The following AHI1 variants were observed in gnomAD, a reference collection of about 807,000 sequenced individuals.
AHI1 encodes jouberin.
AHI1 carries 123 observed loss-of-function variants against 149.3 expected under a neutral mutation model. The observed-to-expected ratio is 0.82, with a 90% CI of 0.71 to 0.96. The LOEUF (loss-of-function observed/expected upper bound fraction) is 0.96, where lower values mean the gene tolerates loss of function less well. AHI1 is among the 40% of genes least tolerant of loss of function. AHI1 has a pLI of 0.00. For synonymous variants in AHI1, 475 were observed against 459.8 expected (o/e 1.03, Z -0.42); for missense variants, 1,439 against 1,422.7 (o/e 1.01, Z -0.18).
chr6:135,466,762 T>C (rs1010555038), intron 6 of AHI1, among the ~76,000 whole-genome samples: 4 of 152,126 alleles, frequency 2.6e-5, no homozygotes, highest in African/African-American at 4.8e-5. Context: ...GGTCACCCAA[T>C]AGGAAATATA....
intron 21 of AHI1, among the ~76,000 whole-genome samples, chr6:135,406,182 G>T (rs1048979204): frequency 5.9e-5 from 9 of 152,328 alleles, no homozygotes; most frequent in African/African-American, 2.2e-4. Flanking sequence ...ACAGTACCTT[G>T]AGAACATCGG....
At chr6:135,476,098 T>C (rs1389181912) in intron 5 of AHI1, among the ~76,000 whole-genome samples, 1 of 152,164 alleles carries the variant, frequency 6.6e-6, no homozygotes, top group East Asian at 1.9e-4. Flanking sequence ...ATGCTACAAG[T>C]TTCCTTCTAA....
At chr6:135,316,794 T>A (rs936765538) in intron 26 of AHI1, among the ~76,000 whole-genome samples, 5 of 152,104 alleles carry the variant, frequency 3.3e-5, no homozygotes, top group Non-Finnish European at 5.9e-5. Context: ...AGCTCTACAT[T>A]CTCTCAAATT....
rs745887780 is a variant in AHI1, at chr6:135,323,223, C to A, written c.3267G>T (p.Trp1089Cys). Residue 1089 changes from tryptophan (W) to cysteine (C), a missense_variant, in exon 25 of 29, where the codon TGG becomes TGT. Transcript: ENST00000265602. ...RVFFKDNEDW[W>C]YGSIGKGQEG... The stretch of plus-strand genomic sequence containing the variant: ...CCTGTCCCTTTCCTATGCTGCCATA[C>A]CACCAGTCTTCATTATCTTTGAAAA... 4.3e-6 allele frequency: 7 copies of A among 1,613,722 alleles called. No individual in the cohort carries two copies. The Middle Eastern group carries it at 4.9e-4, about 114-fold the overall frequency.
intron 20 of AHI1, among the ~76,000 whole-genome samples, chr6:135,412,380 C>T (rs1474859084): frequency 3.3e-5 from 5 of 152,190 alleles, no homozygotes; most frequent in African/African-American, 1.2e-4. Context: ...AACCAGTCCT[C>T]TATAGATAAC....
In AHI1 at chr6:135,283,779, T is replaced by A. The variant is rs1359783331; in HGVS notation, c.*1866A>T. Reference sequence around the variant, plus strand: ...GGCTTTCAGTAGAGCCAAATTTTCCTGGTGTTTGCTTCAACTGCTATTTTT... The same window carrying A: ...GGCTTTCAGTAGAGCCAAATTTTCCAGGTGTTTGCTTCAACTGCTATTTTT... On this transcript the variant is annotated 3_prime_UTR_variant, in exon 29 of 29. Coordinates refer to ENST00000265602, the MANE Select transcript of AHI1 (RefSeq NM_001134831.2). The A allele has an allele frequency of 1.3e-5, 2 of 152,218 alleles. No homozygotes were observed. Among genetic ancestry groups the A allele is most frequent in the Non-Finnish European group, 2.9e-5 (2 of 68,030 alleles). The allele number at this position is 152,218 out of a possible 1,614,324, so 9.4% of individuals were successfully genotyped here. A position where few individuals can be genotyped will look rare whatever the true frequency, so the allele number is the denominator to read the frequency against.
intron 22 of AHI1, among the ~76,000 whole-genome samples, chr6:135,402,195 G>A (rs531149971): frequency 1.5e-4 from 23 of 152,202 alleles, no homozygotes; most frequent in Admixed American, 1.3e-3. Context: ...AGAAGAAACT[G>A]GAACCTCATT....
At chr6:135,438,308 T>C in intron 15 of AHI1, 67 bp downstream of exon 15, 2 of 1,411,782 alleles carry the variant, frequency 1.4e-6, no homozygotes, top group Non-Finnish European at 1.9e-6. Flanking sequence ...GTTACATCAG[T>C]TTATATTCTC....
At chr6:135,485,866 C>A (rs1263618121) in intron 5 of AHI1, among the ~76,000 whole-genome samples, 6 of 152,122 alleles carry the variant, frequency 3.9e-5, no homozygotes, top group African/African-American at 1.4e-4. Context: ...CCTGTTATGG[C>A]TCACACCTGT....
rs149518141 is a variant in AHI1, at chr6:135,360,221, G to A, written c.3110-2034C>T. 3.0e-4 allele frequency among the ~76,000 whole-genome samples: 46 copies of A among 152,220 alleles called. No homozygotes were observed. In the East Asian group the frequency reaches 8.1e-3, roughly 27 times the overall value. On this transcript the variant is annotated intron_variant, in intron 23 of 28. Transcript: ENST00000265602. ...ATTGAAAGCTCATAATAAGTAGCAT[G>A]CTATAATGGTTAGTATTATATGTCT...
At chr6:135,342,606 T>C (rs1326942454) in intron 24 of AHI1, among the ~76,000 whole-genome samples, 2 of 151,836 alleles carry the variant, frequency 1.3e-5, no homozygotes, top group African/African-American at 4.8e-5. Context: ...AATCTACCAA[T>C]GTAACAGACC....
chr6:135,350,060 T>C (rs571116650), intron 24 of AHI1, among the ~76,000 whole-genome samples: 11 of 152,364 alleles, frequency 7.2e-5, no homozygotes, highest in African/African-American at 2.6e-4. Context: ...AAATCTTTAT[T>C]TCACATTCTA....
chr6:135,432,702 C>T lies in AHI1; in HGVS notation c.2266+325G>A, dbSNP rs553885553. Reference sequence around the variant, plus strand: ...AAACTTTAAATAATTGCAAATTTCCCTTCTATATGTTTGCAAATTTTAAGG... The same window carrying T: ...AAACTTTAAATAATTGCAAATTTCCTTTCTATATGTTTGCAAATTTTAAGG... On this transcript the variant is annotated intron_variant, in intron 16 of 28. Coordinates refer to ENST00000265602, the MANE Select transcript of AHI1 (RefSeq NM_001134831.2). Among the ~76,000 whole-genome samples, 105 of 152,136 alleles carry T rather than the reference C, an allele frequency of 6.9e-4. 1 individual carries two copies. The highest frequency in any genetic ancestry group is 2.4e-3 in the African/African-American group (99 of 41,514).
At chr6:135,300,390 A>T in intron 27 of AHI1, 110 bp downstream of exon 27, 1 of 1,196,634 alleles carries the variant, frequency 8.4e-7, no homozygotes, top group South Asian at 1.8e-5. Context: ...AACTATCTGA[A>T]ATTTAACTTA....
At chr6:135,314,630 C>T (rs1043499606) in intron 26 of AHI1, among the ~76,000 whole-genome samples, 1 of 152,152 alleles carries the variant, frequency 6.6e-6, no homozygotes, top group African/African-American at 2.4e-5. Flanking sequence ...TATATCCTTG[C>T]TTATTTGAAA....
chr6:135,454,687 A>G (rs1788639268), intron 10 of AHI1, among the ~76,000 whole-genome samples: 1 of 152,250 alleles, frequency 6.6e-6, no homozygotes, highest in Admixed American at 6.5e-5. Flanking sequence ...AGAAGCAACC[A>G]AAAGCGTTTA....
At chr6:135,398,708 C>T (rs1458367580) in intron 22 of AHI1, among the ~76,000 whole-genome samples, 7 of 152,188 alleles carry the variant, frequency 4.6e-5, no homozygotes, top group African/African-American at 1.2e-4. Flanking sequence ...TCTTAGTTCA[C>T]TGCCTTGCTT....
intron 27 of AHI1, among the ~76,000 whole-genome samples, chr6:135,295,593 A>G (rs1031769817): frequency 6.6e-6 from 1 of 152,224 alleles, no homozygotes; most frequent in African/African-American, 2.4e-5. Context: ...TAGTAGCCGC[A>G]AAGTGGAAAT....
At chr6:135,316,047 G>C (rs938621872) in intron 26 of AHI1, among the ~76,000 whole-genome samples, 1 of 83,778 alleles carries the variant, frequency 1.2e-5, no homozygotes, top group Non-Finnish European at 2.1e-5. Flanking sequence ...CCACCTTGTA[G>C]TTGAGAAAAC....
Sources: allele counts gnomAD v4.1 joint callset (sites outside exome capture counted in the v4.1 genomes callset), GRCh38; gene constraint gnomAD v4.1.1; transcripts MANE v1.5; gene names NCBI Gene and HGNC (gene_info 2026-07-23, HGNC 2026-07-21).